Variants in YBX3 observed in about 807,000 individuals in gnomAD.
The protein encoded by YBX3 is Y-box binding protein 3, also known as Y-box-binding protein 3.
A neutral mutation model predicts 42.4 loss-of-function variants in YBX3; 29 were observed. That is an observed-to-expected ratio of 0.68 (90% CI 0.51 to 0.93). The LOEUF (loss-of-function observed/expected upper bound fraction) is 0.93, where lower values mean the gene tolerates loss of function less well. Ranked by LOEUF, YBX3 falls within the 40% of genes least tolerant of loss-of-function variation. The probability of loss-of-function intolerance (pLI) is 0.00; values close to 1 mark genes in which losing one functional copy is unlikely to be tolerated. For synonymous variants in YBX3, 195 were observed against 189.8 expected, an observed-to-expected ratio of 1.03 and a Z score of -0.22; for missense variants, 517 against 527.5, an observed-to-expected ratio of 0.98 and a Z score of 0.19.
rs1490154786 is a variant in YBX3, at chr12:10,702,129, C to T, written c.884G>A (p.Gly295Glu). ...TGGGGCAGGTCGTGGGCGAGGAGGT[C>T]CCCTGCTGTAGGGAACACAGAAGAA... ...PTYRPRYRSRGPPRPRPAPAV... is the reference protein window; with the variant it reads ...PTYRPRYRSREPPRPRPAPAV... The change falls in exon 8 of 10, where the codon GGA becomes GAA. Residue 295 changes from glycine (G) to glutamate (E), a missense_variant. Transcript: ENST00000228251. 1.2e-6 allele frequency: 2 copies of T among 1,613,720 alleles called. No homozygotes were observed. Among genetic ancestry groups the T allele is most frequent in the Non-Finnish European group, 1.7e-6 (2 of 1,179,818 alleles).
chr12:10,701,653 C>T (rs375259539), intron 8 of YBX3, among the ~76,000 whole-genome samples: 9 of 152,180 alleles, frequency 5.9e-5, no homozygotes, highest in African/African-American at 2.2e-4. Context: ...GTCTGATATA[C>T]AACTGCTTTC....
At chr12:10,706,138 A>G (rs1177565041) in intron 6 of YBX3, among the ~76,000 whole-genome samples, 4 of 152,166 alleles carry the variant, frequency 2.6e-5, no homozygotes, top group Non-Finnish European at 4.4e-5. Flanking sequence ...GTATGTGTGT[A>G]TATATATATG....
chr12:10,710,105 C>A lies in YBX3; in HGVS notation c.583G>T (p.Glu195Ter). ...CTGCCGCTCCCTTCCTCCTCCTCCT[C>A]CCCAGCGTACTAGCGAAGCAAAGAA... ...RRGPPRNYAG[E>*]EEEEGSGSSE... Residue 195 changes from glutamate to a stop codon, truncating the protein, a stop_gained, in exon 6 of 10, where the codon GAG (glutamate) becomes TAG (stop). Coordinates refer to ENST00000228251, the MANE Select transcript of YBX3 (RefSeq NM_003651.5). LOFTEE classifies it high-confidence loss of function. 1 of 1,613,296 alleles carries A rather than the reference C, an allele frequency of 6.2e-7. No homozygotes were observed. Among genetic ancestry groups the A allele is most frequent in the Non-Finnish European group, 8.5e-7 (1 of 1,179,872 alleles).
Position 10,715,738 on chromosome 12 carries a change from C to T in YBX3, c.406G>A (p.Gly136Arg). 3 of 1,614,096 alleles carry T rather than the reference C, an allele frequency of 1.9e-6. No homozygotes were observed. The highest frequency in any genetic ancestry group is 2.5e-6 in the Non-Finnish European group (3 of 1,179,986). Residue 136 changes from glycine (G) to arginine (R), a missense_variant, in exon 4 of 10, where the codon GGA becomes AGA. Physicochemically the swap from Gly to Arg is moderately radical, Grantham distance 125 (BLOSUM62 -2). This residue lies in a region of YBX3 where 420 missense variants were observed against 408.5 expected (regional missense o/e 1.03). Coordinates refer to ENST00000228251, the MANE Select transcript of YBX3 (RefSeq NM_003651.5). ...TCAAACTCTACAGTTTCTCCATCTC[C>T]TACACTGCGCAGATATTTCCGTGGG... ...NNPRKYLRSV[G>R]DGETVEFDVV...
intron 4 of YBX3, among the ~76,000 whole-genome samples, chr12:10,714,043 A>G (rs1484191343): frequency 6.6e-6 from 1 of 152,226 alleles, no homozygotes; most frequent in African/African-American, 2.4e-5. Flanking sequence ...AACATACAGA[A>G]GAAAAATCAA....
chr12:10,711,757 G>A (rs1182675850), intron 5 of YBX3: 1 of 152,108 alleles, frequency 6.6e-6, no homozygotes, highest in East Asian at 1.9e-4. Context: ...TTTCTTAAGC[G>A]TTTTAACAAT....
intron 6 of YBX3, among the ~76,000 whole-genome samples, chr12:10,707,246 CTGCTT>C (rs769242288): frequency 2.6e-5 from 4 of 152,250 alleles, no homozygotes; most frequent in Non-Finnish European, 5.9e-5. Context: ...CCTCTTCCCT[CTGCTT>C]TATTTCTTCT....
In YBX3 at chr12:10,701,243, C is replaced by T. The variant is rs78254727; in HGVS notation, c.*34+11G>A. ...AATACCAACTCAAGACTGGGCTGCC[C>T]CAGCTCTTACCTGCCGATGGTGAAG... On this transcript the variant is annotated intron_variant, in intron 9 of 9. Coordinates refer to ENST00000228251, the MANE Select transcript of YBX3 (RefSeq NM_003651.5). 2.0e-3 allele frequency: 1,562 copies of T among 775,110 alleles called. 21 individuals are homozygous for T. In the African/African-American group the frequency reaches 0.023, roughly 12 times the overall value. 48.0% of individuals were successfully genotyped at this position (775,110 alleles called of 1,614,324 possible). A position where few individuals can be genotyped will look rare whatever the true frequency, so the allele number is the denominator to read the frequency against.
At chr12:10,708,833 C>T (rs776734665) in intron 6 of YBX3, among the ~76,000 whole-genome samples, 6 of 152,142 alleles carry the variant, frequency 3.9e-5, no homozygotes, top group Admixed American at 2.0e-4. Flanking sequence ...TTTCAGCAAA[C>T]GTGATATATG....
chr12:10,707,646 T>A (rs1948153117), intron 6 of YBX3, among the ~76,000 whole-genome samples: 2 of 152,208 alleles, frequency 1.3e-5, no homozygotes, highest in Admixed American at 1.3e-4. Flanking sequence ...ATCTCTTCAA[T>A]GTTTCTTTTC....
In YBX3 at chr12:10,723,243, G is replaced by A. The variant is rs1948357119; in HGVS notation, c.-132C>T. On this transcript the variant is annotated 5_prime_UTR_variant, in exon 1 of 10. Transcript: ENST00000228251. ...CGGATCTCGCGGCGCAGGCGGCGGC[G>A]GCCGAGGTGGGGTCGCGCGGCGGAG... 1 of 1,162,766 alleles carries A rather than the reference G, an allele frequency of 8.6e-7. No homozygotes were observed. The highest frequency in any genetic ancestry group is 4.2e-5 in the South Asian group (1 of 23,666). The allele number at this position is 1,162,766 out of a possible 1,614,324, so 72.0% of individuals were successfully genotyped here. A position where few individuals can be genotyped will look rare whatever the true frequency, so the allele number is the denominator to read the frequency against.
chr12:10,719,183 C>G, intron 1 of YBX3, 40 bp from the exon 2 acceptor site: 1 of 1,530,272 alleles, frequency 6.5e-7, no homozygotes, highest in Non-Finnish European at 9.0e-7. Context: ...ATCTGACCTA[C>G]AGAGAGATAT....
In YBX3 at chr12:10,710,007, C is replaced by A. The variant is rs1488317253; in HGVS notation, c.681G>T (p.Gln227His). 2 of 1,612,200 alleles carry A rather than the reference C, an allele frequency of 1.2e-6. No homozygotes were observed. Among genetic ancestry groups the A allele is most frequent in the South Asian group, 1.1e-5 (1 of 91,070 alleles). Residue 227 changes from glutamine to histidine, a missense_variant, in exon 6 of 10, where the codon CAG becomes CAT. Physicochemically the swap from Gln to His is conservative, Grantham distance 24. Around this residue, in one of 3 missense-constraint regions of YBX3, gnomAD observed 420 missense variants for 408.5 expected, o/e 1.03. Transcript: ENST00000228251. ...SGARNQLRRPQYRPQYRQRRF... is the reference protein window; with the variant it reads ...SGARNQLRRPHYRPQYRQRRF... The stretch of plus-strand genomic sequence containing the variant: ...GCCGCTGCCGGTACTGAGGGCGATA[C>A]TGGGGGCGGCGCAGCTGATTCCGGG...
chr12:10,722,956 G>T lies in YBX3; in HGVS notation c.156C>A (p.Val52=). ...QAAAPAPAAH[V]AGNPGGDAAP... Reference sequence around the variant, plus strand: ...CCGCGTCCCCACCGGGGTTTCCTGCGACGTGGGCGGCGGGCGCCGGGGCCG... The same window carrying T: ...CCGCGTCCCCACCGGGGTTTCCTGCTACGTGGGCGGCGGGCGCCGGGGCCG... Residue 52 remains valine, a synonymous_variant, in exon 1 of 10, where the codon GTC becomes GTA. Transcript: ENST00000228251. 1 of 1,257,356 alleles carries T rather than the reference G, an allele frequency of 8.0e-7. No homozygotes were observed. The highest frequency in any genetic ancestry group is 9.9e-7 in the Non-Finnish European group (1 of 1,006,616). 77.9% of individuals were successfully genotyped at this position (1,257,356 alleles called of 1,614,324 possible).
intron 3 of YBX3, chr12:10,717,799 C>CT (rs1368316380): frequency 1.3e-4 from 30 of 231,650 alleles, no homozygotes; most frequent in Non-Finnish European, 1.5e-4. Flanking sequence ...ACAGACTTTT[C>CT]TTTTTTTTGC....
In YBX3 at chr12:10,702,099, A is replaced by G; in HGVS notation, c.914T>C (p.Val305Ala). Reference protein sequence around the residue: ...GPPRPRPAPAVGEAEDKENQQ... With the variant: ...GPPRPRPAPAAGEAEDKENQQ... Reference sequence around the variant, plus strand: ...ATTTTCTTTATCTTCAGCCTCTCCAACTGCTGGGGCAGGTCGTGGGCGAGG... The same window carrying G: ...ATTTTCTTTATCTTCAGCCTCTCCAGCTGCTGGGGCAGGTCGTGGGCGAGG... The change falls in exon 8 of 10, where the codon GTT (valine) becomes GCT (alanine). Residue 305 changes from valine (V) to alanine (A), a missense_variant. Transcript: ENST00000228251. 4 of 1,614,088 alleles carry G rather than the reference A, an allele frequency of 2.5e-6. No individual in the cohort carries two copies. The highest frequency in any genetic ancestry group is 2.5e-6 in the Non-Finnish European group (3 of 1,179,980).
intron 4 of YBX3, among the ~76,000 whole-genome samples, chr12:10,714,940 G>A (rs1178332785): frequency 2.6e-5 from 4 of 151,660 alleles, no homozygotes; most frequent in East Asian, 3.9e-4. Context: ...TAGTAGAGAC[G>A]GGTTTCACCA....
At position 10,722,869 on chromosome 12, in the gene YBX3, G is replaced by C. The variant is rs1296902028; in HGVS notation, c.243C>G (p.Asp81Glu). 1.3e-6 allele frequency: 2 copies of C among 1,491,090 alleles called. No homozygotes were observed. The highest frequency in any genetic ancestry group is 8.9e-7 in the Non-Finnish European group (1 of 1,120,690). 92.4% of individuals were successfully genotyped at this position (1,491,090 alleles called of 1,614,324 possible). A position where few individuals can be genotyped will look rare whatever the true frequency, so the allele number is the denominator to read the frequency against. Residue 81 changes from aspartate to glutamate, a missense_variant, in exon 1 of 10, where the codon GAC becomes GAG. Physicochemically the swap from Asp to Glu is conservative, Grantham distance 45 (BLOSUM62 2). Transcript: ENST00000228251. ...ASLATAAGSEDAEKKVLATKV... is the reference protein window; with the variant it reads ...ASLATAAGSEEAEKKVLATKV... ...ACTCACCGAGAACTTTTTTCTCCGCGTCTTCGCTGCCGGCGGCGGTGGCTA... is the reference window on the plus strand; with the variant it reads ...ACTCACCGAGAACTTTTTTCTCCGCCTCTTCGCTGCCGGCGGCGGTGGCTA...
chr12:10,702,813 A>G (rs957914311), intron 7 of YBX3: 1 of 152,208 alleles, frequency 6.6e-6, no homozygotes, highest in Non-Finnish European at 1.5e-5. Context: ...TAAACATGAG[A>G]AGAAACATTA....
Sources: allele counts gnomAD v4.1 joint callset (sites outside exome capture counted in the v4.1 genomes callset), GRCh38; gene constraint gnomAD v4.1.1; regional missense constraint gnomAD v4.1.1; transcripts MANE v1.5; gene names NCBI Gene and HGNC (gene_info 2026-07-23, HGNC 2026-07-21).